Variants in MEIG1 observed in about 807,000 individuals in gnomAD.
MEIG1 encodes meiosis expressed gene 1 protein homolog.
In MEIG1, 12 loss-of-function variants were observed where a neutral mutation model predicts 11.3. The ratio of observed to expected loss-of-function variants is 1.07; its 90% CI spans 0.68 to 1.73. The LOEUF is 1.73. Ranked by LOEUF, MEIG1 falls within the 40% of genes most tolerant of loss-of-function variation. MEIG1 has a pLI of 0.00. For missense variants in MEIG1, 119 were observed against 104.9 expected, an observed-to-expected ratio of 1.13 and a Z score of -0.59; for synonymous variants, 41 against 33.2, an observed-to-expected ratio of 1.24 and a Z score of -0.81.
intron 1 of MEIG1, among the ~76,000 whole-genome samples, chr10:14,981,279 G>T (rs1236683163): frequency 6.6e-6 from 1 of 151,388 alleles, no homozygotes; most frequent in South Asian, 2.1e-4. Flanking sequence ...CCTCTCGGGG[G>T]ACTGTAAGGG....
At position 14,966,568 on chromosome 10, in the gene MEIG1, G is replaced by C. The variant is rs967835723; in HGVS notation, c.100G>C (p.Asp34His). The change falls in exon 2 of 3, where the codon GAT becomes CAT. Residue 34 changes from aspartate (D) to histidine (H), a missense_variant. By Grantham distance (81) the Asp-to-His change is moderately conservative. Transcript: ENST00000407572. ...CAGATTTCAACAAGCAGGATATCGGGATGAAACCGAATATAGACAAGTGAA... is the reference window on the plus strand; with the variant it reads ...CAGATTTCAACAAGCAGGATATCGGCATGAAACCGAATATAGACAAGTGAA... ...LYRFQQAGYRDETEYRQVKQV... is the reference protein window; with the variant it reads ...LYRFQQAGYRHETEYRQVKQV... 1 of 1,612,030 alleles carries C rather than the reference G, an allele frequency of 6.2e-7. No individual in the cohort carries two copies. The highest frequency in any genetic ancestry group is 1.1e-5 in the South Asian group (1 of 90,500).
Position 14,981,974 on chromosome 10 carries a change from T to C in MEIG1, n.67-4822T>C, listed in dbSNP as rs1843270216. Among the ~76,000 whole-genome samples, 3 of 152,330 alleles carry C rather than the reference T, an allele frequency of 2.0e-5. No individual in the cohort carries two copies. The South Asian group carries it at 6.2e-4, about 32-fold the overall frequency. ...TACTGCATCCCTGTTTACAAACACC[T>C]GCTTAGCTCTTTCTCATCATTGTGA... On this transcript the variant is annotated intron_variant and non_coding_transcript_variant, in intron 1 of 2. Coordinates refer to the MEIG1 transcript ENST00000467536.
the MEIG1 span, chr10:14,954,300 C>G: frequency 2.5e-5 from 13 of 527,354 alleles, no homozygotes; most frequent in African/African-American, 2.3e-4. Context: ...ACAGGTGTTG[C>G]TCTGGTAAGG....
At chr10:14,985,003 G>C (rs542133682) in intron 1 of MEIG1, among the ~76,000 whole-genome samples, 4 of 151,936 alleles carry the variant, frequency 2.6e-5, no homozygotes, top group Admixed American at 2.6e-4. Context: ...TTCACAATGC[G>C]TGTACACCCT....
At chr10:14,971,204 T>C (rs74643368) in intron 2 of MEIG1, among the ~76,000 whole-genome samples, 5,474 of 57,152 alleles carry the variant, frequency 0.096, 180 homozygotes, top group Middle Eastern at 0.2. Flanking sequence ...CTCGGCAACA[T>C]ATAATAATAA....
intron 2 of MEIG1, among the ~76,000 whole-genome samples, chr10:14,966,816 C>G (rs1033475025): frequency 2.6e-5 from 4 of 152,162 alleles, no homozygotes; most frequent in Admixed American, 2.0e-4. Flanking sequence ...TCTCGGCACA[C>G]TCCACCTCCC....
intron 1 of MEIG1, among the ~76,000 whole-genome samples, chr10:14,980,059 T>A (rs1325850312): frequency 6.6e-6 from 1 of 151,914 alleles, no homozygotes. Flanking sequence ...CGCCGTGATA[T>A]TATTCACAAT....
chr10:14,982,884 T>G (rs745507185), intron 1 of MEIG1, among the ~76,000 whole-genome samples: 6 of 152,254 alleles, frequency 3.9e-5, no homozygotes, highest in East Asian at 3.9e-4. Context: ...ATGCCTGGTA[T>G]TAATAAGTGA....
intron 1 of MEIG1, 131 bp from the exon 2 acceptor site, chr10:14,966,309 G>A (rs1020793245): frequency 1.8e-5 from 8 of 445,378 alleles, no homozygotes; most frequent in Admixed American, 4.8e-5. Context: ...TGATCCACCT[G>A]CCTCAGCCTC....
At chr10:14,964,506 A>C (rs1843053828) in intron 1 of MEIG1, among the ~76,000 whole-genome samples, 1 of 150,888 alleles carries the variant, frequency 6.6e-6, no homozygotes, top group African/African-American at 2.4e-5. Context: ...TGAAGGATGG[A>C]TATTTCTAAT....
intron 1 of MEIG1, among the ~76,000 whole-genome samples, chr10:14,959,793 G>A (rs750247553): frequency 3.3e-5 from 5 of 152,256 alleles, no homozygotes; most frequent in Non-Finnish European, 4.4e-5. Context: ...AAGTTTCCGG[G>A]CCGCCCCGGA....
At chr10:14,978,019 G>T (rs56935193) in intron 1 of MEIG1, among the ~76,000 whole-genome samples, 25 of 151,692 alleles carry the variant, frequency 1.6e-4, no homozygotes, top group Admixed American at 1.2e-3. Context: ...TTCTATTATT[G>T]TAATATTCTA....
chr10:14,981,868 C>G (rs1203656591), intron 1 of MEIG1, among the ~76,000 whole-genome samples: 2 of 152,206 alleles, frequency 1.3e-5, no homozygotes, highest in African/African-American at 2.4e-5. Context: ...TGGGGGGACC[C>G]CTCTGATTGC....
At chr10:14,975,793 A>G (rs4317885), downstream of MEIG1, among the ~76,000 whole-genome samples, 94,049 of 151,842 alleles carry the variant, frequency 0.62, 29,288 homozygotes, top group Admixed American at 0.65. Context: ...ATCGCATGGG[A>G]TGGACACGCC....
At chr10:14,954,518 T>G, upstream of MEIG1, 1 of 239,372 alleles carries the variant, frequency 4.2e-6, no homozygotes, top group Non-Finnish European at 8.5e-6. Context: ...CCTTGTGGGA[T>G]TACCGTGAGG....
At chr10:14,983,221 A>G (rs1323092802) in intron 1 of MEIG1, among the ~76,000 whole-genome samples, 2 of 152,102 alleles carry the variant, frequency 1.3e-5, no homozygotes, top group Non-Finnish European at 2.9e-5. Flanking sequence ...GTTACTCCCA[A>G]GATAGCACTG....
At chr10:14,985,228 T>G (rs919033814) in intron 1 of MEIG1, among the ~76,000 whole-genome samples, 3 of 152,078 alleles carry the variant, frequency 2.0e-5, no homozygotes, top group African/African-American at 7.2e-5. Context: ...ATTCGTAATA[T>G]TCTAGGGAAA....
chr10:14,986,073 T>G (rs191325136), intron 1 of MEIG1, among the ~76,000 whole-genome samples: 3 of 152,184 alleles, frequency 2.0e-5, no homozygotes, highest in African/African-American at 7.2e-5. Context: ...ACAGTATATT[T>G]TATATCCTAG....
chr10:14,961,110 G>A (rs1843007594), intron 1 of MEIG1, among the ~76,000 whole-genome samples: 1 of 152,156 alleles, frequency 6.6e-6, no homozygotes, highest in South Asian at 2.1e-4. Context: ...CCCATGGTAG[G>A]TCGAAAATGC....
Sources: allele counts gnomAD v4.1 joint callset (sites outside exome capture counted in the v4.1 genomes callset), GRCh38; gene constraint gnomAD v4.1.1; transcripts MANE v1.5; gene names NCBI Gene and HGNC (gene_info 2026-07-23, HGNC 2026-07-21).